RSF1: variants seen among roughly 807,000 people sequenced by gnomAD.
RSF1 encodes HBV pX-associated protein 8.
Under a neutral mutation model 145.2 loss-of-function variants are expected in RSF1, and 13 were observed. That is an observed-to-expected ratio of 0.09 (90% CI 0.06 to 0.14). RSF1 has a LOEUF of 0.14. Ranked by LOEUF, RSF1 falls within the 10% of genes least tolerant of loss-of-function variation. The probability of loss-of-function intolerance (pLI) is 1.00; values close to 1 mark genes in which losing one functional copy is unlikely to be tolerated. For synonymous variants in RSF1, 577 were observed against 592.6 expected (o/e 0.97, Z 0.38); for missense variants, 1,517 against 1,718.2 (o/e 0.88, Z 2.07).
chr11:77,820,958 C>T (rs1248491276), upstream of RSF1: 26 of 550,350 alleles, frequency 4.7e-5, no homozygotes, highest in Non-Finnish European at 6.4e-6. Context: ...TCTTTCCGCC[C>T]CCTTCTCTCC....
intron 1 of RSF1, among the ~76,000 whole-genome samples, chr11:77,805,428 G>C (rs760671801): frequency 2.6e-5 from 4 of 151,448 alleles, no homozygotes; most frequent in Non-Finnish European, 5.9e-5. Flanking sequence ...GGGAGAAAGC[G>C]AGACTCCATC....
chr11:77,747,960 A>G (rs553014774), intron 2 of RSF1, among the ~76,000 whole-genome samples: 123 of 152,296 alleles, frequency 8.1e-4, no homozygotes, highest in African/African-American at 2.6e-3. Flanking sequence ...CTTGCAATTC[A>G]AGGAGCAAAG....
chr11:77,741,228 A>C (rs1947932498), intron 3 of RSF1, among the ~76,000 whole-genome samples: 1 of 152,172 alleles, frequency 6.6e-6, no homozygotes, highest in Non-Finnish European at 1.5e-5. Flanking sequence ...AAAAACTCCC[A>C]AATCATCTCA....
chr11:77,841,166 A>T, the RSF1 span: 3 of 701,290 alleles, frequency 4.3e-6, no homozygotes, highest in Non-Finnish European at 7.8e-6. Context: ...CTACTCCTGC[A>T]ATAACAGCAT....
the RSF1 span, among the ~76,000 whole-genome samples, chr11:77,832,961 G>A: frequency 9.7e-4 from 21 of 21,682 alleles, 1 homozygote; most frequent in African/African-American, 7.7e-3. Flanking sequence ...ATGTGTGTGT[G>A]TGTGTGTGTG....
intron 1 of RSF1, among the ~76,000 whole-genome samples, chr11:77,769,006 T>G (rs1352238740): frequency 6.6e-6 from 1 of 152,208 alleles, no homozygotes. Flanking sequence ...ATCTTAAATT[T>G]TAATAAACAC....
chr11:77,768,491 T>C (rs755457810), intron 1 of RSF1, among the ~76,000 whole-genome samples: 10 of 152,202 alleles, frequency 6.6e-5, no homozygotes, highest in South Asian at 2.1e-4. Flanking sequence ...TACTTTCTTT[T>C]GTACTAAGTA....
At chr11:77,756,833 G>A (rs1226202115) in intron 2 of RSF1, among the ~76,000 whole-genome samples, 6 of 152,152 alleles carry the variant, frequency 3.9e-5, no homozygotes, top group Non-Finnish European at 7.3e-5. Flanking sequence ...GACATATCCC[G>A]CTTTAAATAT....
intron 3 of RSF1, 70 bp from the exon 4 acceptor site, chr11:77,741,006 A>T (rs1947929065): frequency 8.8e-7 from 1 of 1,135,270 alleles, no homozygotes; most frequent in Middle Eastern, 2.3e-4. Context: ...ATATGATACA[A>T]CCGTAGAATT....
At chr11:77,777,870 T>C (rs1331454793) in intron 1 of RSF1, among the ~76,000 whole-genome samples, 3 of 151,350 alleles carry the variant, frequency 2.0e-5, no homozygotes, top group African/African-American at 7.3e-5. Flanking sequence ...TATTCCATTG[T>C]ATTGAAAAAT....
chr11:77,711,606 G>A (rs1311744031), intron 5 of RSF1, among the ~76,000 whole-genome samples: 7 of 152,044 alleles, frequency 4.6e-5, no homozygotes, highest in Admixed American at 2.6e-4. Context: ...GGAGGTAGAG[G>A]TTGCAGTGAG....
intron 8 of RSF1, 88 bp downstream of exon 8, chr11:77,693,419 G>T: frequency 1.3e-6 from 1 of 793,168 alleles, no homozygotes; most frequent in Non-Finnish European, 2.2e-6. Context: ...TGCTTTGAAG[G>T]TTAAAAATAT....
rs1960430252 is a variant in RSF1, at chr11:77,701,757, T to C, written c.1472A>G (p.Asn491Ser). 5 of 1,613,772 alleles carry C rather than the reference T, an allele frequency of 3.1e-6. No homozygotes were observed. Among genetic ancestry groups the C allele is most frequent in the Non-Finnish European group, 4.2e-6 (5 of 1,179,992 alleles). Residue 491 changes from asparagine to serine, a missense_variant, in exon 6 of 16, where the codon AAT (asparagine) becomes AGT (serine). Transcript: ENST00000308488. ...TGTTTTCATACTTGTTATGACAGAA[T>C]TTAAGGACTCTGTTCCATTTCCCTC... The part of the protein sequence containing the change: ...ITEGNGTESL[N>S]SVITSMKTGE...
chr11:77,725,335 A>T (rs550902752), intron 5 of RSF1, among the ~76,000 whole-genome samples: 1 of 152,196 alleles, frequency 6.6e-6, no homozygotes, highest in South Asian at 2.1e-4. Context: ...TTTTTTACTA[A>T]GATATTTTTA....
upstream of RSF1, among the ~76,000 whole-genome samples, chr11:77,822,468 A>G (rs1213057880): frequency 1.3e-5 from 2 of 150,166 alleles, no homozygotes; most frequent in Non-Finnish European, 2.9e-5. Context: ...CAAACCATGT[A>G]AAAAAGAGAA....
chr11:77,728,180 G>C (rs546957412), intron 4 of RSF1, among the ~76,000 whole-genome samples: 1 of 151,998 alleles, frequency 6.6e-6, no homozygotes, highest in Admixed American at 6.6e-5. Flanking sequence ...TTAGGATATC[G>C]GGTGACTGAC....
chr11:77,868,058 C>CT, the RSF1 span, among the ~76,000 whole-genome samples: 31,805 of 136,892 alleles, frequency 0.23, 3,969 homozygotes, highest in African/African-American at 0.29. Context: ...TCCTCTGAGC[C>CT]TTTTTTTTTT....
In RSF1 at chr11:77,662,477, G is replaced by A. The variant is rs1287747844; in HGVS notation, c.*4440C>T. The A allele has an allele frequency of 6.6e-6, 1 of 152,130 alleles. No individual in the cohort carries two copies. Among genetic ancestry groups the A allele is most frequent in the Non-Finnish European group, 1.5e-5 (1 of 67,996 alleles). The allele number at this position is 152,130 out of a possible 1,614,324, so 9.4% of individuals were successfully genotyped here. On this transcript the variant is annotated 3_prime_UTR_variant, in exon 16 of 16. Transcript: ENST00000308488. ...ATTACATTTTGGCTTATGACTGCTT[G>A]CTTGGCAATTACTCTCTTCAACATA...
intron 1 of RSF1, among the ~76,000 whole-genome samples, chr11:77,785,662 A>G (rs1022660025): frequency 6.6e-6 from 1 of 151,392 alleles, no homozygotes; most frequent in Non-Finnish European, 1.5e-5. Context: ...TTTTTAAAAG[A>G]GCAAATTGGA....
Sources: allele counts gnomAD v4.1 joint callset (sites outside exome capture counted in the v4.1 genomes callset), GRCh38; gene constraint gnomAD v4.1.1; transcripts MANE v1.5; gene names NCBI Gene and HGNC (gene_info 2026-07-23, HGNC 2026-07-21).